The following SEMA3A variants were observed in gnomAD, a reference collection of about 807,000 sequenced individuals.
SEMA3A encodes the protein semaphorin 3A, also known as semaphorin-3A.
In SEMA3A, 29 loss-of-function variants were observed where a neutral mutation model predicts 97.9. The ratio of observed to expected loss-of-function variants is 0.30; its 90% CI spans 0.22 to 0.40. The LOEUF is 0.40. Among genes scored for constraint, SEMA3A ranks in the 10% least tolerant of loss-of-function variants. The pLI, the probability that SEMA3A is intolerant of heterozygous loss-of-function variation, is 1.00. For synonymous variants in SEMA3A, 321 were observed against 323.7 expected, an observed-to-expected ratio of 0.99 and a Z score of 0.09; for missense variants, 763 against 951.3, an observed-to-expected ratio of 0.80 and a Z score of 2.60.
chr7:84,146,043 A>C (rs1465876446), intron 1 of SEMA3A, among the ~76,000 whole-genome samples: 3 of 152,148 alleles, frequency 2.0e-5, no homozygotes, highest in Non-Finnish European at 2.9e-5. Flanking sequence ...TTCAAGCTAC[A>C]GTTAGAAGCT....
chr7:84,068,626 T>A (rs1793627961), intron 4 of SEMA3A, among the ~76,000 whole-genome samples: 1 of 152,044 alleles, frequency 6.6e-6, no homozygotes, highest in Admixed American at 6.6e-5. Flanking sequence ...TATTTTCTTG[T>A]ACTCAATAAG....
chr7:84,271,120 T>C (rs894258985), intron 3 of SEMA3A, among the ~76,000 whole-genome samples: 2 of 152,036 alleles, frequency 1.3e-5, no homozygotes, highest in Non-Finnish European at 2.9e-5. Context: ...CTAATCACAA[T>C]CTGTTTTCTT....
At chr7:84,233,799 G>C (rs1799170271) in intron 3 of SEMA3A, among the ~76,000 whole-genome samples, 1 of 151,896 alleles carries the variant, frequency 6.6e-6, no homozygotes, top group South Asian at 2.1e-4. Context: ...TTACTGAGAG[G>C]CCAAACTATG....
intron 1 of SEMA3A, among the ~76,000 whole-genome samples, chr7:84,449,940 T>C (rs946821542): frequency 6.6e-6 from 1 of 152,202 alleles, no homozygotes; most frequent in African/African-American, 2.4e-5. Context: ...TAATTAATAT[T>C]TCATTGCATC....
Position 84,029,583 on chromosome 7 carries a change from A to G in SEMA3A, c.668-15232T>C, listed in dbSNP as rs1308658348. On this transcript the variant is annotated intron_variant, in intron 6 of 16. Transcript: ENST00000265362. ...GATGCTTCTTTGCATTAGGTCTTCA[A>G]TAAATAAATTCATATTGTAAATGTA... Among the ~76,000 whole-genome samples, 5 of 152,172 alleles carry G rather than the reference A, an allele frequency of 3.3e-5. No individual in the cohort carries two copies. In the East Asian group the frequency reaches 9.6e-4, roughly 29 times the overall value.
intron 3 of SEMA3A, among the ~76,000 whole-genome samples, chr7:84,208,984 C>G (rs1798561665): frequency 6.6e-6 from 1 of 152,146 alleles, no homozygotes; most frequent in African/African-American, 2.4e-5. Flanking sequence ...TATTTTATAA[C>G]AAATGGACTA....
intron 4 of SEMA3A, among the ~76,000 whole-genome samples, chr7:84,103,220 A>G (rs1795008618): frequency 6.6e-6 from 1 of 152,106 alleles, no homozygotes; most frequent in Non-Finnish European, 1.5e-5. Context: ...TCTCAACCAC[A>G]GCAAAATCTT....
intron 1 of SEMA3A, among the ~76,000 whole-genome samples, chr7:84,463,766 G>A (rs932452408): frequency 1.1e-4 from 16 of 151,972 alleles, no homozygotes; most frequent in African/African-American, 3.6e-4. Flanking sequence ...CTATCCTGCC[G>A]TTCCTCCTTC....
chr7:84,059,141 G>A (rs941085296), intron 5 of SEMA3A, among the ~76,000 whole-genome samples: 2 of 152,074 alleles, frequency 1.3e-5, no homozygotes, highest in South Asian at 2.1e-4. Flanking sequence ...TTAAAACAAC[G>A]TTCAAATTTC....
At chr7:84,021,770 A>G (rs73376843) in intron 6 of SEMA3A, among the ~76,000 whole-genome samples, 7,656 of 152,252 alleles carry the variant, frequency 0.05, 645 homozygotes, top group African/African-American at 0.17. Flanking sequence ...AATCTCCTGA[A>G]CTAAAAATTG....
intron 1 of SEMA3A, among the ~76,000 whole-genome samples, chr7:84,152,233 A>G (rs1338504220): frequency 6.6e-6 from 1 of 150,568 alleles, no homozygotes; most frequent in East Asian, 2.0e-4. Context: ...CTATAAAGAC[A>G]CATGCACACG....
chr7:84,045,809 A>G (rs1026775144), intron 6 of SEMA3A, among the ~76,000 whole-genome samples: 1 of 151,918 alleles, frequency 6.6e-6, no homozygotes, highest in African/African-American at 2.4e-5. Flanking sequence ...GGGTTTTAAG[A>G]TGATTAAGAT....
intron 1 of SEMA3A, among the ~76,000 whole-genome samples, chr7:84,413,140 C>A (rs376561823): frequency 1.3e-5 from 2 of 152,228 alleles, no homozygotes; most frequent in Admixed American, 1.3e-4. Flanking sequence ...CTACTGACTT[C>A]TATGTAGGAA....
chr7:84,002,968 TATTAA>T (rs1044684720), intron 11 of SEMA3A, among the ~76,000 whole-genome samples: 4 of 152,142 alleles, frequency 2.6e-5, no homozygotes, highest in South Asian at 4.1e-4. Flanking sequence ...AACAGGGGCT[TATTAA>T]ATTCAAAACT....
chr7:83,977,804 C>CT (rs1584497365), intron 14 of SEMA3A, among the ~76,000 whole-genome samples: 1 of 119,256 alleles, frequency 8.4e-6, no homozygotes, highest in African/African-American at 3.1e-5. Flanking sequence ...TTTTTTCTTT[C>CT]TTTCTTTTTT....
intron 1 of SEMA3A, among the ~76,000 whole-genome samples, chr7:84,190,042 AT>A (rs1410718217): frequency 2.0e-5 from 3 of 151,738 alleles, no homozygotes; most frequent in African/African-American, 7.2e-5. Context: ...CAGTATTCAT[AT>A]TTATTTAAGT....
intron 1 of SEMA3A, among the ~76,000 whole-genome samples, chr7:84,154,519 T>C (rs547631654): frequency 6.6e-6 from 1 of 151,680 alleles, no homozygotes; most frequent in African/African-American, 2.4e-5. Context: ...CTACTAAAAA[T>C]ACAAAAATTA....
At chr7:84,323,388 T>C (rs550200477) in intron 2 of SEMA3A, among the ~76,000 whole-genome samples, 1 of 152,222 alleles carries the variant, frequency 6.6e-6, no homozygotes, top group African/African-American at 2.4e-5. Flanking sequence ...CACTAATCAC[T>C]ACATAATCAA....
intron 14 of SEMA3A, among the ~76,000 whole-genome samples, chr7:83,977,425 AC>A (rs1470193511): frequency 6.6e-6 from 1 of 152,152 alleles, no homozygotes; most frequent in African/African-American, 2.4e-5. Flanking sequence ...ATCCAAATGT[AC>A]TAACAACATG....
Sources: gnomAD v4.1 joint callset for allele counts (sites outside exome capture counted in the v4.1 genomes callset) on GRCh38, gnomAD v4.1.1 for gene constraint, MANE v1.5 for transcripts, NCBI Gene and HGNC (gene_info 2026-07-23, HGNC 2026-07-21) for gene names.